KAT2B: variants seen among roughly 807,000 people sequenced by gnomAD.
The protein encoded by KAT2B is histone acetyltransferase KAT2B.
Under a neutral mutation model 105.9 loss-of-function variants are expected in KAT2B, and 36 were observed. The observed-to-expected ratio is 0.34, with a 90% CI of 0.26 to 0.45. The LOEUF (loss-of-function observed/expected upper bound fraction) is 0.45. Ranked by LOEUF, KAT2B falls within the 20% of genes least tolerant of loss-of-function variation. The pLI is 1.00. For missense variants in KAT2B, 820 were observed against 1,021.6 expected, an observed-to-expected ratio of 0.80 and a Z score of 2.69; for synonymous variants, 397 against 377.9, an observed-to-expected ratio of 1.05 and a Z score of -0.59.
intron 2 of KAT2B, among the ~76,000 whole-genome samples, chr3:20,090,887 G>A (rs192712668): frequency 1.2e-4 from 18 of 152,136 alleles, no homozygotes; most frequent in Non-Finnish European, 1.9e-4. Context: ...CTACAGGCAT[G>A]TGACACCACA....
rs1575098744 is a variant in KAT2B, at chr3:20,040,665, C to G, written c.188C>G (p.Thr63Arg). Residue 63 changes from threonine to arginine, a missense_variant, in exon 1 of 18, where the codon ACG becomes AGG. Physicochemically the swap from Thr to Arg is moderately conservative, Grantham distance 71 (BLOSUM62 -1). Transcript: ENST00000263754. The part of the protein sequence containing the change: ...GPATAVAAAG[T>R]AEGPGGGGSA... ...GCGACGGCAGTGGCTGCAGCGGGCA[C>G]GGCCGAAGGACCGGGAGGCGGTGGC... The G allele has an allele frequency of 7.8e-6, 12 of 1,532,054 alleles. No homozygotes were observed. Among genetic ancestry groups the G allele is most frequent in the Non-Finnish European group, 9.6e-6 (11 of 1,145,752 alleles). 94.9% of individuals were successfully genotyped at this position (1,532,054 alleles called of 1,614,324 possible). A position where few individuals can be genotyped will look rare whatever the true frequency, so the allele number is the denominator to read the frequency against.
intron 13 of KAT2B, among the ~76,000 whole-genome samples, chr3:20,145,574 T>A (rs1046093109): frequency 6.9e-6 from 1 of 145,868 alleles, no homozygotes; most frequent in South Asian, 2.1e-4. Context: ...TTTTTTTTTT[T>A]TTTTTATTAA....
At chr3:20,071,292 A>G (rs1402729027) in intron 1 of KAT2B, among the ~76,000 whole-genome samples, 8 of 152,236 alleles carry the variant, frequency 5.3e-5, no homozygotes, top group Non-Finnish European at 1.2e-4. Context: ...TAGTATATGT[A>G]GATGGCTCTA....
intron 2 of KAT2B, among the ~76,000 whole-genome samples, chr3:20,083,102 G>A (rs1239353750): frequency 6.6e-6 from 1 of 152,046 alleles, no homozygotes; most frequent in Non-Finnish European, 1.5e-5. Context: ...CTGATACAGT[G>A]TACATTGATG....
At chr3:20,107,193 G>T (rs1178145255) in intron 5 of KAT2B, among the ~76,000 whole-genome samples, 1 of 148,252 alleles carries the variant, frequency 6.7e-6, no homozygotes, top group Non-Finnish European at 1.5e-5. Flanking sequence ...ACCACAGCTG[G>T]CTCATTTTTG....
At chr3:20,058,761 C>T (rs189810048) in intron 1 of KAT2B, among the ~76,000 whole-genome samples, 86 of 152,216 alleles carry the variant, frequency 5.6e-4, no homozygotes, top group African/African-American at 1.6e-3. Flanking sequence ...GGGCTTGTGT[C>T]CCAGGGAAGG....
At chr3:20,126,529 A>G (rs1005666305) in intron 10 of KAT2B, among the ~76,000 whole-genome samples, 1 of 151,664 alleles carries the variant, frequency 6.6e-6, no homozygotes, top group South Asian at 2.1e-4. Flanking sequence ...AAAAAAAAAA[A>G]ACAAAAAACT....
chr3:20,109,910 A>G (rs1450219569), intron 5 of KAT2B, among the ~76,000 whole-genome samples: 5 of 152,164 alleles, frequency 3.3e-5, no homozygotes. Flanking sequence ...TTAATTTTTA[A>G]TGTAGGCAGA....
chr3:20,042,907 T>G (rs1465473093), intron 1 of KAT2B, among the ~76,000 whole-genome samples: 1 of 150,780 alleles, frequency 6.6e-6, no homozygotes, highest in Non-Finnish European at 1.5e-5. Context: ...TTAACGTCTT[T>G]TTTTTTTTTT....
intron 1 of KAT2B, among the ~76,000 whole-genome samples, chr3:20,051,341 A>T (rs1413757623): frequency 1.3e-5 from 2 of 152,128 alleles, no homozygotes; most frequent in African/African-American, 4.8e-5. Flanking sequence ...CACTGCTGGT[A>T]GTATGTCTAG....
At chr3:20,057,520 T>C (rs1698021833) in intron 1 of KAT2B, among the ~76,000 whole-genome samples, 1 of 152,190 alleles carries the variant, frequency 6.6e-6, no homozygotes, top group Non-Finnish European at 1.5e-5. Flanking sequence ...TCTGAACTGC[T>C]CAATGTTAGC....
At chr3:20,137,219 G>A (rs935749724) in intron 12 of KAT2B, among the ~76,000 whole-genome samples, 167 bp downstream of exon 12, 1 of 152,210 alleles carries the variant, frequency 6.6e-6, no homozygotes, top group Non-Finnish European at 1.5e-5. Context: ...ATTAGAGAGT[G>A]TCACTAGCAC....
chr3:20,074,214 T>C (rs1347795569), intron 2 of KAT2B, among the ~76,000 whole-genome samples: 3 of 152,208 alleles, frequency 2.0e-5, no homozygotes, highest in Non-Finnish European at 4.4e-5. Flanking sequence ...CTGGCCTTAC[T>C]TACGATAGTA....
intron 2 of KAT2B, among the ~76,000 whole-genome samples, chr3:20,086,556 G>T (rs1052028973): frequency 6.6e-6 from 1 of 152,156 alleles, no homozygotes; most frequent in African/African-American, 2.4e-5. Flanking sequence ...AGCCAAGATC[G>T]CACCATTGCA....
chr3:20,125,183 C>T (rs774546926), intron 9 of KAT2B, among the ~76,000 whole-genome samples: 2 of 151,700 alleles, frequency 1.3e-5, no homozygotes, highest in East Asian at 1.9e-4. Context: ...ATTAGCTGGG[C>T]GCCGTGGCAG....
At chr3:20,089,399 CTTTTT>C (rs60958319) in intron 2 of KAT2B, among the ~76,000 whole-genome samples, 1 of 124,064 alleles carries the variant, frequency 8.1e-6, no homozygotes. Context: ...GTCTTCTTCA[CTTTTT>C]TTTTTTTTTT....
chr3:20,048,398 G>A (rs1432690287), intron 1 of KAT2B, among the ~76,000 whole-genome samples: 2 of 152,160 alleles, frequency 1.3e-5, no homozygotes, highest in Non-Finnish European at 2.9e-5. Flanking sequence ...TGGAAATAGC[G>A]ATTTGTGATA....
rs375383719 is a variant in KAT2B at position 20,146,434 on chromosome 3, C to T, written c.2119+4C>T. The T allele has an allele frequency of 7.1e-5, 109 of 1,527,196 alleles. 1 individual carries two copies. Among genetic ancestry groups the T allele is most frequent in the Non-Finnish European group, 8.3e-5 (93 of 1,114,892 alleles). 94.6% of individuals were successfully genotyped at this position (1,527,196 alleles called of 1,614,324 possible). On this transcript the variant is annotated splice_donor_region_variant and intron_variant, in intron 14 of 17. Transcript: ENST00000263754. ...ATAGAAAGCATTCCTGGAATTAGTA[C>T]GTATAGACCTTCTTTTAAAAGCGAA...
At chr3:20,072,512 C>G in intron 2 of KAT2B, 53 bp downstream of exon 2, 3 of 1,560,230 alleles carry the variant, frequency 1.9e-6, no homozygotes, top group Middle Eastern at 1.7e-4. Flanking sequence ...TAGCGTGAGA[C>G]TCTTAACTTA....
Sources: allele counts gnomAD v4.1 joint callset (sites outside exome capture counted in the v4.1 genomes callset), GRCh38; gene constraint gnomAD v4.1.1; transcripts MANE v1.5; gene names NCBI Gene and HGNC (gene_info 2026-07-23, HGNC 2026-07-21).